The following PDE1C variants were observed in gnomAD, a reference collection of about 807,000 sequenced individuals.
The protein encoded by PDE1C is dual specificity calcium/calmodulin-dependent 3',5'-cyclic nucleotide phosphodiesterase 1C.
A neutral mutation model predicts 93.1 loss-of-function variants in PDE1C; 62 were observed. That is an observed-to-expected ratio of 0.67 (90% CI 0.54 to 0.82). PDE1C has a LOEUF of 0.82. Ranked by LOEUF, PDE1C falls within the 40% of genes least tolerant of loss-of-function variation. The pLI is 0.00. For synonymous variants in PDE1C, 325 were observed against 310.1 expected, an observed-to-expected ratio of 1.05 and a Z score of -0.50; for missense variants, 742 against 884.6, an observed-to-expected ratio of 0.84 and a Z score of 2.04.
At chr7:31,738,358 A>G in the PDE1C span, among the ~76,000 whole-genome samples, 1 of 152,148 alleles carries the variant, frequency 6.6e-6, no homozygotes, top group Non-Finnish European at 1.5e-5. Flanking sequence ...AATGAGGAGC[A>G]AGTCACATCT....
At chr7:31,904,755 T>A (rs1004699397) in intron 2 of PDE1C, among the ~76,000 whole-genome samples, 9 of 152,134 alleles carry the variant, frequency 5.9e-5, no homozygotes, top group Non-Finnish European at 8.8e-5. Flanking sequence ...TCCTCTATGT[T>A]TCATGCCTAT....
intron 2 of PDE1C, among the ~76,000 whole-genome samples, chr7:32,015,796 G>C (rs1190372911): frequency 2.6e-5 from 4 of 151,998 alleles, no homozygotes; most frequent in African/African-American, 9.7e-5. Flanking sequence ...GGAAATATGG[G>C]TAAAAATATG....
chr7:32,092,564 G>A (rs960541738), intron 3 of PDE1C, among the ~76,000 whole-genome samples: 1 of 152,202 alleles, frequency 6.6e-6, no homozygotes, highest in Non-Finnish European at 1.5e-5. Context: ...TGAGCCATCA[G>A]CTCTGAACAC....
Position 32,146,846 on chromosome 7 carries a change from G to C in PDE1C, c.308+22939C>G, listed in dbSNP as rs117943373. Reference sequence around the variant, plus strand: ...AAGTCAGGAAAGTTTACTAAAACAGGGATTCATAACCAAGGGATAAGTTGG... The same window carrying C: ...AAGTCAGGAAAGTTTACTAAAACAGCGATTCATAACCAAGGGATAAGTTGG... On this transcript the variant is annotated intron_variant, in intron 3 of 18. Transcript: ENST00000396193. Among the ~76,000 whole-genome samples, 471 of 152,042 alleles carry C rather than the reference G, an allele frequency of 3.1e-3. 1 individual carries two copies. Among genetic ancestry groups the C allele is most frequent in the Non-Finnish European group, 4.9e-3 (332 of 67,970 alleles).
the PDE1C span, among the ~76,000 whole-genome samples, chr7:31,731,684 G>A: frequency 6.6e-6 from 1 of 152,284 alleles, no homozygotes; most frequent in East Asian, 1.9e-4. Context: ...CACTGCGCCT[G>A]GCCAGAATTG....
chr7:31,748,403 G>C (rs1196445941), downstream of PDE1C, among the ~76,000 whole-genome samples: 1 of 152,142 alleles, frequency 6.6e-6, no homozygotes, highest in Admixed American at 6.5e-5. Flanking sequence ...CTATAAGCTT[G>C]GCTCAGCTGA....
intron 1 of PDE1C, among the ~76,000 whole-genome samples, chr7:32,357,435 T>C (rs1423130731): frequency 6.6e-6 from 1 of 152,236 alleles, no homozygotes; most frequent in African/African-American, 2.4e-5. Context: ...TTCAGCCACC[T>C]TTTTAAAATA....
At chr7:31,641,707 T>A in the PDE1C span, among the ~76,000 whole-genome samples, 1 of 152,146 alleles carries the variant, frequency 6.6e-6, no homozygotes, top group African/African-American at 2.4e-5. Context: ...GAGCACAAAC[T>A]TGTAGTCATA....
At chr7:31,784,811 G>T (rs1161867754) in intron 16 of PDE1C, 1 of 151,998 alleles carries the variant, frequency 6.6e-6, no homozygotes, top group Non-Finnish European at 1.5e-5. Context: ...CAAGAAAAAA[G>T]GAAATGTATA....
chr7:32,036,903 A>T (rs1349727137), intron 2 of PDE1C, among the ~76,000 whole-genome samples: 1 of 152,136 alleles, frequency 6.6e-6, no homozygotes, highest in Admixed American at 6.6e-5. Flanking sequence ...AGAACTTTAG[A>T]GTGGGTGGGG....
chr7:31,892,860 T>C (rs554945651), intron 2 of PDE1C, among the ~76,000 whole-genome samples: 12 of 152,150 alleles, frequency 7.9e-5, no homozygotes, highest in Non-Finnish European at 1.5e-4. Context: ...ATGGTGACTA[T>C]AGTGAAGAAT....
intron 1 of PDE1C, among the ~76,000 whole-genome samples, chr7:32,252,893 C>T (rs1809495702): frequency 6.6e-6 from 1 of 152,208 alleles, no homozygotes; most frequent in South Asian, 2.1e-4. Flanking sequence ...TTTTTAAATG[C>T]TTGACCTCTA....
chr7:31,682,937 T>G, the PDE1C span, among the ~76,000 whole-genome samples: 1 of 152,138 alleles, frequency 6.6e-6, no homozygotes. Flanking sequence ...AATAAAATGA[T>G]AGAGAGAGAG....
intron 2 of PDE1C, among the ~76,000 whole-genome samples, chr7:32,202,925 C>G (rs1380053843): frequency 6.6e-6 from 1 of 152,108 alleles, no homozygotes; most frequent in Non-Finnish European, 1.5e-5. Flanking sequence ...TGTTGTACAG[C>G]AGGTCTCCAC....
chr7:32,247,007 C>A (rs567806369), intron 1 of PDE1C, among the ~76,000 whole-genome samples: 5 of 152,332 alleles, frequency 3.3e-5, no homozygotes, highest in African/African-American at 1.2e-4. Context: ...GCTAACAGAT[C>A]ATCATAACCT....
At chr7:31,941,977 C>T (rs755572092) in intron 2 of PDE1C, among the ~76,000 whole-genome samples, 8 of 152,216 alleles carry the variant, frequency 5.3e-5, no homozygotes, top group Non-Finnish European at 1.0e-4. Flanking sequence ...GCAAAAGATG[C>T]ACAAAACAAA....
chr7:31,830,143 T>C (rs1041956472), intron 11 of PDE1C, among the ~76,000 whole-genome samples: 5 of 151,934 alleles, frequency 3.3e-5, no homozygotes, highest in Non-Finnish European at 5.9e-5. Flanking sequence ...AATAAAAGCT[T>C]ATTTTTAAAA....
chr7:31,841,898 G>A (rs1214330850), intron 9 of PDE1C, among the ~76,000 whole-genome samples: 1 of 152,108 alleles, frequency 6.6e-6, no homozygotes, highest in Non-Finnish European at 1.5e-5. Context: ...GACCCAGGAG[G>A]AGCCATTGTT....
chr7:31,866,100 T>C (rs778623352), intron 6 of PDE1C, among the ~76,000 whole-genome samples: 1 of 152,182 alleles, frequency 6.6e-6, no homozygotes, highest in Non-Finnish European at 1.5e-5. Context: ...AAAACTTTCA[T>C]TGTATTAGTT....
Sources: gnomAD v4.1 joint callset for allele counts (sites outside exome capture counted in the v4.1 genomes callset) on GRCh38, gnomAD v4.1.1 for gene constraint, MANE v1.5 for transcripts, NCBI Gene and HGNC (gene_info 2026-07-23, HGNC 2026-07-21) for gene names.